PACS2: variants seen among roughly 807,000 people sequenced by gnomAD.
PACS2 encodes the protein PACS1-like protein.
Under a neutral mutation model 113.0 loss-of-function variants are expected in PACS2, and 36 were observed. The observed-to-expected ratio is 0.32, with a 90% confidence interval of 0.24 to 0.42. The LOEUF (loss-of-function observed/expected upper bound fraction) is 0.42, where lower values mean the gene tolerates loss of function less well. Ranked by LOEUF, PACS2 falls within the 10% of genes least tolerant of loss-of-function variation. The pLI is 1.00. For missense variants in PACS2, 1,015 were observed against 1,239.5 expected, an observed-to-expected ratio of 0.82 and a Z score of 2.72; for synonymous variants, 589 against 536.1, an observed-to-expected ratio of 1.10 and a Z score of -1.36.
chr14:105,332,601 T>C (rs896007572), intron 1 of PACS2, among the ~76,000 whole-genome samples: 1 of 152,092 alleles, frequency 6.6e-6, no homozygotes, highest in Non-Finnish European at 1.5e-5. Context: ...TTGGGAAGGT[T>C]TGGTGTCTGA....
At chr14:105,310,302 G>A (rs587680437), upstream of PACS2, among the ~76,000 whole-genome samples, 347 of 151,120 alleles carry the variant, frequency 2.3e-3, 1 homozygote, top group African/African-American at 7.8e-3. Context: ...AGGTCGAGGC[G>A]GGCGGATCAT....
chr14:105,345,205 A>G (rs1295735235), intron 1 of PACS2, among the ~76,000 whole-genome samples: 3 of 152,180 alleles, frequency 2.0e-5, no homozygotes, highest in African/African-American at 7.2e-5. Context: ...CGGGAGATTG[A>G]GACCATCCTG....
At chr14:105,378,740 A>G (rs1448015730) in intron 9 of PACS2, among the ~76,000 whole-genome samples, 2 of 152,188 alleles carry the variant, frequency 1.3e-5, no homozygotes, top group Admixed American at 6.5e-5. Flanking sequence ...AAGGTCTTTT[A>G]AGTCTTATTG....
At chr14:105,339,173 G>A (rs1446635373) in intron 1 of PACS2, among the ~76,000 whole-genome samples, 2 of 152,182 alleles carry the variant, frequency 1.3e-5, no homozygotes, top group African/African-American at 4.8e-5. Flanking sequence ...AGTGGGGGAC[G>A]CTATTCCACT....
intron 8 of PACS2, among the ~76,000 whole-genome samples, chr14:105,375,212 G>A (rs1595737979): frequency 6.6e-6 from 1 of 152,174 alleles, no homozygotes. Flanking sequence ...GGGTGTGGTC[G>A]CTCACACCTG....
intron 20 of PACS2, 193 bp downstream of exon 20, chr14:105,390,196 G>A (rs782510561): frequency 7.7e-6 from 5 of 649,240 alleles, no homozygotes; most frequent in South Asian, 5.1e-5. Flanking sequence ...GGGGCCAGAG[G>A]TTGTTAGTTC....
rs781787526 is a variant in PACS2, at chr14:105,382,534, C to G, written c.1471C>G (p.Leu491Val). The change falls in exon 14 of 25, where the codon CTT (leucine) becomes GTT (valine). Residue 491 changes from leucine to valine, a missense_variant. This residue lies in a region of PACS2 where 859 missense variants were observed against 1,056.8 expected (regional missense o/e 0.81). Coordinates refer to ENST00000447393, the MANE Select transcript of PACS2 (RefSeq NM_001100913.3). ...CCACATCCTCATCTCCGATGACCAG[C>G]TTCCCGAAAACATCATCCTTGTCAA... ...LNHILISDDQ[L>V]PENIILVNTS... The G allele has an allele frequency of 6.2e-7, 1 of 1,613,398 alleles. No homozygotes were observed. The highest frequency in any genetic ancestry group is 1.3e-5 in the African/African-American group (1 of 74,918).
chr14:105,343,257 G>A (rs1312757620), intron 1 of PACS2, among the ~76,000 whole-genome samples: 12 of 152,316 alleles, frequency 7.9e-5, no homozygotes, highest in African/African-American at 2.9e-4. Flanking sequence ...GTACCAAAAT[G>A]TCCTTGTCTT....
At chr14:105,389,623 G>A (rs940043768) in intron 19 of PACS2, 12 of 354,428 alleles carry the variant, frequency 3.4e-5, no homozygotes, top group Non-Finnish European at 6.5e-5. Context: ...AGCTGGCTGT[G>A]TGGGCGTCGG....
chr14:105,394,202 A>G (rs1226476225), intron 24 of PACS2: 2 of 985,256 alleles, frequency 2.0e-6, no homozygotes, highest in Admixed American at 1.2e-4. Flanking sequence ...GGGGGCTCCC[A>G]CTGTCTTCTT....
intron 1 of PACS2, among the ~76,000 whole-genome samples, chr14:105,302,890 C>T (rs1302155689): frequency 6.6e-6 from 1 of 151,982 alleles, no homozygotes; most frequent in Non-Finnish European, 1.5e-5. Flanking sequence ...CCTGTCCTCC[C>T]AAAGTGCTGG....
At position 105,354,681 on chromosome 14, in the gene PACS2, C is replaced by T. The variant is rs1026501772; in HGVS notation, c.298-371C>T. Among the ~76,000 whole-genome samples, 5 of 152,178 alleles carry T rather than the reference C, an allele frequency of 3.3e-5. No homozygotes were observed. The highest frequency in any genetic ancestry group is 7.3e-5 in the Non-Finnish European group (5 of 68,038). ...CCCTCGCGGAAAAGCGTCCTGGGTC[C>T]CACCTTGCTGATTGCCTCAGGCACA... On this transcript the variant is annotated intron_variant, in intron 3 of 24. Transcript: ENST00000447393. The surrounding 1 kb of genome is among the most constrained non-coding windows in gnomAD (Gnocchi z 4.2).
intron 1 of PACS2, among the ~76,000 whole-genome samples, chr14:105,307,540 G>T (rs936929661): frequency 8.5e-5 from 13 of 152,118 alleles, no homozygotes; most frequent in African/African-American, 3.1e-4. Flanking sequence ...TTTCAAAGGC[G>T]GTTGTCTCTG....
chr14:105,322,270 G>T (rs1363859910), intron 1 of PACS2, among the ~76,000 whole-genome samples: 2 of 150,302 alleles, frequency 1.3e-5, no homozygotes, highest in Non-Finnish European at 3.0e-5. Flanking sequence ...TTGAGACGGA[G>T]TCTCTCTCTT....
rs587665277 is a variant in PACS2, at chr14:105,353,808, G to A, written c.298-1244G>A. 8.5e-5 allele frequency among the ~76,000 whole-genome samples: 13 copies of A among 152,204 alleles called. No homozygotes were observed. In the South Asian group the frequency reaches 2.7e-3, roughly 32 times the overall value. On this transcript the variant is annotated intron_variant, in intron 3 of 24. Coordinates refer to ENST00000447393, the MANE Select transcript of PACS2 (RefSeq NM_001100913.3). Reference sequence around the variant, plus strand: ...GGGGTTTCACCATGTCGGCCAGGCTGGTCTCGAACTCCTGACTGCATGATC... The same window carrying A: ...GGGGTTTCACCATGTCGGCCAGGCTAGTCTCGAACTCCTGACTGCATGATC...
Position 105,315,163 on chromosome 14 carries a change from C to G in PACS2, c.119+126C>G. The G allele has an allele frequency of 1.0e-5, 5 of 492,386 alleles. No individual in the cohort carries two copies. The highest frequency in any genetic ancestry group is 1.3e-5 in the Non-Finnish European group (5 of 371,072). The allele number at this position is 492,386 out of a possible 1,614,324, so 30.5% of individuals were successfully genotyped here. A position where few individuals can be genotyped will look rare whatever the true frequency, so the allele number is the denominator to read the frequency against. ...GAGCCCAGGTCGCCCCCCGCGCCCCCGCCCGCCGGTTCGACGCGTGCAGCC... is the reference window on the plus strand; with the variant it reads ...GAGCCCAGGTCGCCCCCCGCGCCCCGGCCCGCCGGTTCGACGCGTGCAGCC... On this transcript the variant is annotated intron_variant, in intron 1 of 24. Coordinates refer to ENST00000447393, the MANE Select transcript of PACS2 (RefSeq NM_001100913.3). This position sits in a 1 kb window ranked among gnomAD's most constrained non-coding sequence, Gnocchi z 4.4.
chr14:105,391,605 G>C, intron 21 of PACS2, 26 bp from the exon 22 acceptor site: 1 of 1,541,676 alleles, frequency 6.5e-7, no homozygotes, highest in Non-Finnish European at 8.8e-7. Context: ...GGTGGGCTCA[G>C]CCTGCCCTGT....
chr14:105,383,329 C>T lies in PACS2; in HGVS notation c.1626-30C>T, dbSNP rs782558628. 5.6e-6 allele frequency: 9 copies of T among 1,602,704 alleles called. No homozygotes were observed. In the East Asian group the frequency reaches 1.1e-4, roughly 20 times the overall value. On this transcript the variant is annotated intron_variant, in intron 15 of 24. Transcript: ENST00000447393. ...ACGGCTCCCCTGAGGCGTCTGTCCC[C>T]TCTCCGTCCCACCTGCCTCTGGATT...
chr14:105,364,695 C>CTTTTTT (rs1166883985), intron 4 of PACS2, among the ~76,000 whole-genome samples: 37 of 126,036 alleles, frequency 2.9e-4, no homozygotes, highest in East Asian at 8.7e-4. Flanking sequence ...ATTTTCTTTT[C>CTTTTTT]TTTTTTTTTT....
Sources: gnomAD v4.1 joint callset for allele counts (sites outside exome capture counted in the v4.1 genomes callset) on GRCh38, gnomAD v4.1.1 for gene constraint, gnomAD v4.1.1 regional missense constraint, Gnocchi (gnomAD v3.1) non-coding constraint, MANE v1.5 for transcripts, NCBI Gene and HGNC (gene_info 2026-07-23, HGNC 2026-07-21) for gene names.